The following CA10 variants were observed in gnomAD, a reference collection of about 807,000 sequenced individuals.
CA10 encodes the protein carbonic anhydrase 10 (inactive), also known as carbonic anhydrase-related protein 10.
Under a neutral mutation model 44.2 loss-of-function variants are expected in CA10, and 14 were observed. The ratio of observed to expected loss-of-function variants is 0.32; its 90% CI spans 0.21 to 0.50. The LOEUF (loss-of-function observed/expected upper bound fraction) is 0.50, where lower values mean the gene tolerates loss of function less well. Among genes scored for constraint, CA10 ranks in the 20% least tolerant of loss-of-function variants. CA10 has a pLI of 0.99. For missense variants in CA10, 350 were observed against 409.7 expected (o/e 0.85, Z 1.26); for synonymous variants, 159 against 141.6 (o/e 1.12, Z -0.87).
chr17:51,687,727 A>G (rs898359630), intron 4 of CA10, among the ~76,000 whole-genome samples: 5 of 152,344 alleles, frequency 3.3e-5, no homozygotes, highest in African/African-American at 1.2e-4. Context: ...TGATATTAAA[A>G]TGTCCTTGCT....
chr17:51,868,085 C>T (rs766344134), intron 3 of CA10, among the ~76,000 whole-genome samples: 8 of 150,616 alleles, frequency 5.3e-5, no homozygotes, highest in Admixed American at 4.0e-4. Flanking sequence ...CACACACACA[C>T]ACACACACAC....
intron 3 of CA10, among the ~76,000 whole-genome samples, chr17:51,891,291 T>C (rs1266933107): frequency 6.6e-6 from 1 of 152,038 alleles, no homozygotes; most frequent in African/African-American, 2.4e-5. Flanking sequence ...ATGAGACAGA[T>C]ACCCAAATAA....
intron 3 of CA10, among the ~76,000 whole-genome samples, chr17:51,756,480 T>G (rs1422202611): frequency 6.6e-6 from 1 of 150,860 alleles, no homozygotes; most frequent in African/African-American, 2.4e-5. Context: ...TTGTTTTTTT[T>G]TTTTTTTTTG....
intron 1 of CA10, among the ~76,000 whole-genome samples, chr17:52,107,468 C>T (rs919985216): frequency 6.6e-6 from 1 of 152,048 alleles, no homozygotes; most frequent in Non-Finnish European, 1.5e-5. Context: ...AGGATTTATT[C>T]CTCACAAAGC....
intron 3 of CA10, among the ~76,000 whole-genome samples, chr17:51,843,361 T>C (rs951885548): frequency 3.3e-5 from 5 of 152,196 alleles, no homozygotes; most frequent in African/African-American, 7.2e-5. Flanking sequence ...AACCGTGACA[T>C]TTATAAGAAA....
intron 4 of CA10, among the ~76,000 whole-genome samples, chr17:51,668,025 C>T (rs547002682): frequency 6.6e-6 from 1 of 152,344 alleles, no homozygotes; most frequent in East Asian, 1.9e-4. Flanking sequence ...CCTCCCTATC[C>T]TTGTAACCCA....
chr17:52,150,009 A>G (rs1371552088), intron 1 of CA10, among the ~76,000 whole-genome samples: 1 of 152,200 alleles, frequency 6.6e-6, no homozygotes, highest in Non-Finnish European at 1.5e-5. Flanking sequence ...TTGAAATTAT[A>G]TACCTTAAAT....
chr17:51,841,855 CTTCCT>C (rs1374510506), intron 3 of CA10, among the ~76,000 whole-genome samples: 3 of 152,214 alleles, frequency 2.0e-5, no homozygotes, highest in Non-Finnish European at 2.9e-5. Context: ...GTGACCCTGT[CTTCCT>C]TTCCAAGTTT....
intron 3 of CA10, among the ~76,000 whole-genome samples, chr17:51,919,558 G>A (rs1464769247): frequency 6.6e-6 from 1 of 152,216 alleles, no homozygotes; most frequent in African/African-American, 2.4e-5. Context: ...AGAGAGCTGA[G>A]CTGCAAGCAG....
chr17:52,105,121 C>A (rs892268462), intron 1 of CA10, among the ~76,000 whole-genome samples: 2 of 137,642 alleles, frequency 1.5e-5, no homozygotes, highest in African/African-American at 5.2e-5. Flanking sequence ...AGGGTCCAAT[C>A]ACTGGCCCGG....
intron 2 of CA10, among the ~76,000 whole-genome samples, chr17:52,068,610 G>T (rs951502852): frequency 1.3e-5 from 2 of 152,208 alleles, no homozygotes; most frequent in African/African-American, 4.8e-5. Flanking sequence ...GCTTTAGGCT[G>T]CAAGTGACAG....
At chr17:51,844,811 G>A (rs1224974716) in intron 3 of CA10, among the ~76,000 whole-genome samples, 2 of 152,146 alleles carry the variant, frequency 1.3e-5, no homozygotes, top group Admixed American at 6.5e-5. Context: ...ATGATGGTGG[G>A]TAGAGTGGAT....
intron 2 of CA10, among the ~76,000 whole-genome samples, chr17:52,064,390 A>C (rs1444458763): frequency 6.6e-6 from 1 of 152,180 alleles, no homozygotes; most frequent in African/African-American, 2.4e-5. Context: ...CTTAAGTAGC[A>C]ACCAAAAAAT....
At chr17:51,855,511 C>T (rs1015508819) in intron 3 of CA10, among the ~76,000 whole-genome samples, 3 of 152,132 alleles carry the variant, frequency 2.0e-5, no homozygotes, top group Non-Finnish European at 4.4e-5. Flanking sequence ...TTGAGATCCC[C>T]TTCCACCCTA....
intron 3 of CA10, among the ~76,000 whole-genome samples, chr17:51,849,244 T>TACATATATGTGTGTATATATAC (rs1978675217): frequency 7.9e-6 from 1 of 127,170 alleles, no homozygotes; most frequent in South Asian, 2.4e-4. Context: ...TATATATATA[T>TACATATATGTGTGTATATATAC]ATATATATAT....
intron 3 of CA10, among the ~76,000 whole-genome samples, chr17:51,861,427 T>C (rs966959516): frequency 6.6e-6 from 1 of 152,002 alleles, no homozygotes; most frequent in African/African-American, 2.4e-5. Flanking sequence ...ACAGCAAGTA[T>C]AGGATTAGAA....
intron 1 of CA10, among the ~76,000 whole-genome samples, chr17:52,096,196 G>A (rs1038518717): frequency 6.6e-6 from 1 of 152,166 alleles, no homozygotes; most frequent in Non-Finnish European, 1.5e-5. Flanking sequence ...CAGCAGGCCT[G>A]AGTGTCCACT....
chr17:51,861,577 A>C (rs1276954419), intron 3 of CA10, among the ~76,000 whole-genome samples: 1 of 151,626 alleles, frequency 6.6e-6, no homozygotes, highest in Non-Finnish European at 1.5e-5. Flanking sequence ...ATTTGGGTCA[A>C]CTTTCTATAT....
intron 3 of CA10, among the ~76,000 whole-genome samples, chr17:51,876,598 A>G (rs749028561): frequency 7.9e-5 from 12 of 152,070 alleles, no homozygotes; most frequent in Non-Finnish European, 1.5e-4. Flanking sequence ...GGATCTATCC[A>G]TTAGGTACCC....
Sources: allele counts gnomAD v4.1 joint callset (sites outside exome capture counted in the v4.1 genomes callset), GRCh38; gene constraint gnomAD v4.1.1; transcripts MANE v1.5; gene names NCBI Gene and HGNC (gene_info 2026-07-23, HGNC 2026-07-21).